Variants in KCNC2 observed in about 807,000 individuals in gnomAD.
KCNC2 encodes the protein potassium voltage-gated channel subfamily C member 2, also known as voltage-gated potassium channel KCNC2.
In KCNC2, 21 loss-of-function variants were observed where a neutral mutation model predicts 44.5. That is an observed-to-expected ratio of 0.47 (90% confidence interval 0.33 to 0.68). The LOEUF (loss-of-function observed/expected upper bound fraction) is 0.68, where lower values mean the gene tolerates loss of function less well. Among genes scored for constraint, KCNC2 ranks in the 30% least tolerant of loss-of-function variants. The pLI, the probability that KCNC2 is intolerant of heterozygous loss-of-function variation, is 0.01. For synonymous variants in KCNC2, 391 were observed against 339.1 expected (o/e 1.15, Z -1.68); for missense variants, 589 against 826.2 (o/e 0.71, Z 3.52).
intron 2 of KCNC2, among the ~76,000 whole-genome samples, chr12:75,051,598 T>C (rs1255356115): frequency 1.3e-5 from 2 of 152,082 alleles, no homozygotes; most frequent in Non-Finnish European, 2.9e-5. Context: ...AAATATAACC[T>C]GTAAAGAGAA....
At chr12:75,107,826 TA>T (rs1886913242) in intron 2 of KCNC2, among the ~76,000 whole-genome samples, 1 of 152,186 alleles carries the variant, frequency 6.6e-6, no homozygotes, top group African/African-American at 2.4e-5. Context: ...GAATTGCTTT[TA>T]CCTGATGCAT....
rs1351952613 is a variant in KCNC2, at chr12:75,207,472, G to T, written c.512C>A (p.Thr171Asn). ...GGGGTCGCCGCCAATGAGGTCGGGG[G>T]TCTCGAAGATGTCCAGCGCCTCCTC... ...DAEEALDIFE[T>N]PDLIGGDPGD... Residue 171 changes from threonine to asparagine, a missense_variant, in exon 2 of 5, where the codon ACC (threonine) becomes AAC (asparagine). Physicochemically the swap from Thr to Asn is moderately conservative, Grantham distance 65 (BLOSUM62 0). This residue lies in a region of KCNC2 where 97 missense variants were observed against 73.3 expected (regional missense o/e 1.32). Coordinates refer to ENST00000549446, the MANE Select transcript of KCNC2 (RefSeq NM_139137.4). This position sits in a 1 kb window ranked among gnomAD's most constrained non-coding sequence, Gnocchi z 4.1. 6.8e-6 allele frequency: 11 copies of T among 1,612,374 alleles called. No homozygotes were observed. In the East Asian group the frequency reaches 1.6e-4, roughly 23 times the overall value.
intron 2 of KCNC2, among the ~76,000 whole-genome samples, chr12:75,083,510 C>G (rs1426100394): frequency 6.6e-6 from 1 of 151,822 alleles, no homozygotes; most frequent in African/African-American, 2.4e-5. Flanking sequence ...GTCTCAGTCC[C>G]AGTTCTGCCA....
At chr12:75,204,723 C>G (rs912452977) in intron 2 of KCNC2, among the ~76,000 whole-genome samples, 1 of 152,064 alleles carries the variant, frequency 6.6e-6, no homozygotes, top group Non-Finnish European at 1.5e-5. Flanking sequence ...ATTTTTCAAA[C>G]TAGTCAGATA....
At chr12:75,045,556 T>C (rs1337004879) in intron 4 of KCNC2, among the ~76,000 whole-genome samples, 4 of 151,936 alleles carry the variant, frequency 2.6e-5, no homozygotes, top group African/African-American at 7.2e-5. Context: ...AAGGTTTTAC[T>C]CGAATGGCTA....
chr12:75,138,160 C>T (rs1332965270), intron 2 of KCNC2, among the ~76,000 whole-genome samples: 1 of 152,162 alleles, frequency 6.6e-6, no homozygotes. Flanking sequence ...TATTTCTTGA[C>T]ACCAGAGCAC....
At chr12:75,185,886 A>AAAT (rs1435515941) in intron 2 of KCNC2, among the ~76,000 whole-genome samples, 1 of 151,800 alleles carries the variant, frequency 6.6e-6, no homozygotes, top group Non-Finnish European at 1.5e-5. Flanking sequence ...TCTGTACTAA[A>AAAT]AATACAAAAA....
intron 2 of KCNC2, among the ~76,000 whole-genome samples, chr12:75,169,733 G>C (rs1195993138): frequency 6.6e-6 from 1 of 151,158 alleles, no homozygotes; most frequent in Admixed American, 6.6e-5. Context: ...ACAAATAAAG[G>C]GGGAAAATAG....
At chr12:75,151,974 T>TATATATA (rs35314004) in intron 2 of KCNC2, among the ~76,000 whole-genome samples, 18 of 146,226 alleles carry the variant, frequency 1.2e-4, no homozygotes, top group East Asian at 5.9e-4. Context: ...ATTATACATT[T>TATATATA]ATATATTATA....
intron 4 of KCNC2, chr12:75,043,620 G>T: frequency 8.1e-7 from 1 of 1,234,802 alleles, no homozygotes; most frequent in African/African-American, 1.6e-5. Context: ...GAAAAAAAGA[G>T]AAATAAGTAG....
At chr12:75,061,279 A>G (rs751700568) in intron 2 of KCNC2, among the ~76,000 whole-genome samples, 50 of 152,216 alleles carry the variant, frequency 3.3e-4, no homozygotes, top group Non-Finnish European at 6.5e-4. Flanking sequence ...TGAAAACAAC[A>G]AACAGAATAG....
intron 2 of KCNC2, among the ~76,000 whole-genome samples, chr12:75,113,056 C>T (rs1887373453): frequency 6.6e-6 from 1 of 152,036 alleles, no homozygotes; most frequent in African/African-American, 2.4e-5. Context: ...TACAATGTAA[C>T]TCAAAGGATA....
At chr12:75,114,682 T>C (rs1887512866) in intron 2 of KCNC2, among the ~76,000 whole-genome samples, 1 of 152,084 alleles carries the variant, frequency 6.6e-6, no homozygotes, top group Non-Finnish European at 1.5e-5. Context: ...CCTCCACACA[T>C]GTGCAAAGGA....
intron 2 of KCNC2, among the ~76,000 whole-genome samples, chr12:75,071,679 C>G (rs139284317): frequency 1.3e-5 from 2 of 152,190 alleles, no homozygotes; most frequent in African/African-American, 2.4e-5. Flanking sequence ...TGGCCAGACG[C>G]GGTGGCTCAC....
At position 75,207,831 on chromosome 12, in the gene KCNC2, G is replaced by A; in HGVS notation, c.153C>T (p.Gly51=). ...EPPGDCLTTA[G]DKLQPSPPPL... ...GAGGCGGCGACGGCTGCAGCTTGTC[G>A]CCCGCCGTGGTCAAGCAGTCGCCTG... The change falls in exon 2 of 5, where the codon GGC becomes GGT. Residue 51 remains glycine, a synonymous_variant. Transcript: ENST00000549446. This position sits in a 1 kb window ranked among gnomAD's most constrained non-coding sequence, Gnocchi z 4.1. 6.2e-7 allele frequency: 1 copy of A among 1,609,114 alleles called. No individual in the cohort carries two copies. Among genetic ancestry groups the A allele is most frequent in the Non-Finnish European group, 8.5e-7 (1 of 1,178,996 alleles).
At chr12:75,070,384 G>A (rs1437494597) in intron 2 of KCNC2, among the ~76,000 whole-genome samples, 7 of 148,430 alleles carry the variant, frequency 4.7e-5, no homozygotes, top group African/African-American at 7.8e-5. Context: ...CCAGGAGGCC[G>A]AGGTTGCAGT....
intron 2 of KCNC2, among the ~76,000 whole-genome samples, chr12:75,204,659 G>A (rs184023230): frequency 1.3e-5 from 2 of 152,040 alleles, no homozygotes; most frequent in African/African-American, 2.4e-5. Flanking sequence ...ATGTTTCCTC[G>A]AATTGTGTCG....
intron 2 of KCNC2, among the ~76,000 whole-genome samples, chr12:75,162,662 T>C (rs1268250055): frequency 1.3e-5 from 2 of 151,738 alleles, no homozygotes; most frequent in African/African-American, 4.8e-5. Context: ...AAAAAGAGGC[T>C]TGCCCTGTGA....
chr12:75,120,535 C>T (rs1245150123), intron 2 of KCNC2, among the ~76,000 whole-genome samples: 1 of 152,210 alleles, frequency 6.6e-6, no homozygotes, highest in Admixed American at 6.5e-5. Context: ...GGGACTAGCA[C>T]TCTTGAACTT....
Sources: gnomAD v4.1 joint callset for allele counts (sites outside exome capture counted in the v4.1 genomes callset) on GRCh38, gnomAD v4.1.1 for gene constraint, gnomAD v4.1.1 regional missense constraint, Gnocchi (gnomAD v3.1) non-coding constraint, MANE v1.5 for transcripts, NCBI Gene and HGNC (gene_info 2026-07-23, HGNC 2026-07-21) for gene names.